Variants in EXOC4 observed in about 807,000 individuals in gnomAD.
EXOC4 encodes the protein exocyst complex component 4.
EXOC4 carries 71 observed loss-of-function variants against 107.2 expected under a neutral mutation model. The observed-to-expected ratio is 0.66, with a 90% confidence interval of 0.55 to 0.81. The LOEUF (loss-of-function observed/expected upper bound fraction) is 0.81, where lower values mean the gene tolerates loss of function less well. Ranked by LOEUF, EXOC4 falls within the 30% of genes least tolerant of loss-of-function variation. EXOC4 has a pLI of 0.00. For missense variants in EXOC4, 1,108 were observed against 1,189.6 expected (o/e 0.93, Z 1.01); for synonymous variants, 456 against 441.2 (o/e 1.03, Z -0.42).
intron 17 of EXOC4, among the ~76,000 whole-genome samples, chr7:134,021,393 G>C (rs560319504): frequency 1.3e-5 from 2 of 152,198 alleles, no homozygotes; most frequent in African/African-American, 4.8e-5. Flanking sequence ...GCTGGCTACT[G>C]CTTTTGCATG....
At chr7:133,485,588 T>G (rs1045092822) in intron 9 of EXOC4, among the ~76,000 whole-genome samples, 1 of 152,142 alleles carries the variant, frequency 6.6e-6, no homozygotes, top group Non-Finnish European at 1.5e-5. Flanking sequence ...TTAAAAAAAT[T>G]TTCTCATTGT....
At chr7:134,027,656 CAAAAAA>C (rs11408269) in intron 17 of EXOC4, among the ~76,000 whole-genome samples, 2 of 124,760 alleles carry the variant, frequency 1.6e-5, no homozygotes, top group East Asian at 2.3e-4. Context: ...GACTCCATCT[CAAAAAA>C]AAAAAAAAAA....
chr7:133,674,526 T>C (rs1213950166), intron 10 of EXOC4, among the ~76,000 whole-genome samples: 4 of 152,216 alleles, frequency 2.6e-5, no homozygotes, highest in Non-Finnish European at 5.9e-5. Flanking sequence ...GATTCACTTA[T>C]ATGCCAATAA....
intron 9 of EXOC4, among the ~76,000 whole-genome samples, chr7:133,500,005 A>T (rs1236953582): frequency 1.3e-5 from 2 of 152,154 alleles, no homozygotes; most frequent in African/African-American, 4.8e-5. Flanking sequence ...TAAGGAAAAA[A>T]AAAACATGGC....
At position 133,473,705 on chromosome 7, in the gene EXOC4, TG is replaced by T. The variant is rs932687316; in HGVS notation, c.1183-1622del. 1.7e-3 allele frequency among the ~76,000 whole-genome samples: 266 copies of T among 152,044 alleles called. 1 individual carries two copies. Among genetic ancestry groups the T allele is most frequent in the African/African-American group, 6.0e-3 (249 of 41,512 alleles). The stretch of plus-strand genomic sequence containing the variant: ...TGAATGCACCAATATTACTGGGTCT[TG>T]TTTTTTTTTTTTAAAACGGAGCCTC... On this transcript the variant is annotated intron_variant, in intron 7 of 17. Transcript: ENST00000253861.
At chr7:133,880,506 A>G (rs1410411531) in intron 11 of EXOC4, among the ~76,000 whole-genome samples, 1 of 152,208 alleles carries the variant, frequency 6.6e-6, no homozygotes, top group African/African-American at 2.4e-5. Flanking sequence ...ATTACATATC[A>G]AGAGGTATTG....
At chr7:134,000,641 A>G (rs1161285193) in intron 15 of EXOC4, among the ~76,000 whole-genome samples, 1 of 152,162 alleles carries the variant, frequency 6.6e-6, no homozygotes, top group African/African-American at 2.4e-5. Context: ...CTTAAGAGGT[A>G]CAGAGGCTGT....
At chr7:133,882,528 T>C (rs1798987963) in intron 11 of EXOC4, among the ~76,000 whole-genome samples, 1 of 152,152 alleles carries the variant, frequency 6.6e-6, no homozygotes, top group African/African-American at 2.4e-5. Context: ...AAACAAGCAA[T>C]TATAAGTATG....
chr7:133,977,635 A>C (rs1224169830), intron 14 of EXOC4, among the ~76,000 whole-genome samples: 3 of 152,044 alleles, frequency 2.0e-5, no homozygotes, highest in African/African-American at 4.8e-5. Flanking sequence ...GTGGTTTGCG[A>C]GCAGCTGGTT....
At chr7:134,070,821 C>A (rs190917082), downstream of EXOC4, among the ~76,000 whole-genome samples, 1 of 151,906 alleles carries the variant, frequency 6.6e-6, no homozygotes, top group African/African-American at 2.4e-5. Flanking sequence ...CGGGTGAGTG[C>A]AGTTCCCATT....
chr7:133,604,270 CA>C (rs2150989594), intron 9 of EXOC4, among the ~76,000 whole-genome samples: 1 of 152,140 alleles, frequency 6.6e-6, no homozygotes, highest in Non-Finnish European at 1.5e-5. Context: ...GGAGTACAAC[CA>C]AAATAATGAT....
At chr7:133,728,231 C>T (rs1330441640) in intron 10 of EXOC4, among the ~76,000 whole-genome samples, 1 of 152,218 alleles carries the variant, frequency 6.6e-6, no homozygotes, top group Non-Finnish European at 1.5e-5. Context: ...GGAAGCTAAA[C>T]CTCTGCTTAA....
intron 11 of EXOC4, among the ~76,000 whole-genome samples, chr7:133,842,298 C>T (rs1223192898): frequency 2.0e-5 from 3 of 152,226 alleles, no homozygotes; most frequent in Middle Eastern, 3.2e-3. Context: ...CTTTTCTCCA[C>T]AACCTCACCA....
intron 5 of EXOC4, among the ~76,000 whole-genome samples, chr7:133,324,700 G>A (rs1054429618): frequency 1.3e-5 from 2 of 152,196 alleles, no homozygotes; most frequent in Non-Finnish European, 2.9e-5. Context: ...ATTTGTGGTG[G>A]AGAGTTCTGT....
chr7:134,008,224 G>C (rs1260224214), intron 17 of EXOC4, among the ~76,000 whole-genome samples: 1 of 152,128 alleles, frequency 6.6e-6, no homozygotes, highest in Non-Finnish European at 1.5e-5. Context: ...GTGCTGTGTT[G>C]TTTATGTGAC....
chr7:133,501,908 G>A (rs982088949), intron 9 of EXOC4, among the ~76,000 whole-genome samples: 2 of 152,050 alleles, frequency 1.3e-5, no homozygotes, highest in Non-Finnish European at 2.9e-5. Flanking sequence ...CTGGTTTAGC[G>A]GATTAGCTGC....
chr7:133,600,320 A>G (rs1433280781), intron 9 of EXOC4, among the ~76,000 whole-genome samples: 3 of 152,046 alleles, frequency 2.0e-5, no homozygotes, highest in Non-Finnish European at 4.4e-5. Flanking sequence ...TGGTTTTCTC[A>G]CTGGTTGCTT....
At chr7:133,928,688 G>A (rs1416541253) in intron 13 of EXOC4, among the ~76,000 whole-genome samples, 2 of 152,098 alleles carry the variant, frequency 1.3e-5, no homozygotes, top group African/African-American at 2.4e-5. Flanking sequence ...TGTGGTGAGT[G>A]CTACTGCTGG....
chr7:133,803,564 T>C, intron 10 of EXOC4, among the ~76,000 whole-genome samples: 1 of 152,196 alleles, frequency 6.6e-6, no homozygotes, highest in African/African-American at 2.4e-5. Context: ...AATATTGTAA[T>C]CGAAATTCTT....
Sources: allele counts gnomAD v4.1 joint callset (sites outside exome capture counted in the v4.1 genomes callset), GRCh38; gene constraint gnomAD v4.1.1; transcripts MANE v1.5; gene names NCBI Gene and HGNC (gene_info 2026-07-23, HGNC 2026-07-21).